PRH1: variants seen among roughly 807,000 people sequenced by gnomAD.
The protein encoded by PRH1 is salivary acidic proline-rich phosphoprotein 1/2.
In PRH1, 7 loss-of-function variants were observed where a neutral mutation model predicts 7.9. The ratio of observed to expected loss-of-function variants is 0.89; its 90% CI spans 0.50 to 1.67. PRH1 has a LOEUF of 1.67. Among genes scored for constraint, PRH1 ranks in the 40% most tolerant of loss-of-function variants. The pLI, the probability that PRH1 is intolerant of heterozygous loss-of-function variation, is 0.00. For synonymous variants in PRH1, 45 were observed against 80.8 expected (o/e 0.56, Z 2.38); for missense variants, 109 against 223.6 (o/e 0.49, Z 3.27).
In PRH1 at chr12:10,938,870, T is replaced by C. The variant is rs201331973; in HGVS notation, c.-59+34785A>G. 5.0e-5 allele frequency: 80 copies of C among 1,613,806 alleles called. 1 individual carries two copies. In the Middle Eastern group the frequency reaches 3.0e-3, roughly 60 times the overall value. On this transcript the variant is annotated intron_variant, in intron 2 of 3. Transcript: ENST00000539853. ...GTAGAGAAAAATAGAGTTAGAAAAATTGGCTATCTTGAGAAAATAAAAAGT... is the reference window on the plus strand; with the variant it reads ...GTAGAGAAAAATAGAGTTAGAAAAACTGGCTATCTTGAGAAAATAAAAAGT...
At chr12:11,121,224 A>G (rs1444361338) in intron 1 of PRH1, 1 of 152,268 alleles carries the variant, frequency 6.6e-6, no homozygotes, top group Non-Finnish European at 1.5e-5. Context: ...ATGCCTGAGG[A>G]TCCTCAGCTC....
At chr12:11,061,277 A>C (rs999387607) in intron 1 of PRH1, 2 of 1,516,388 alleles carry the variant, frequency 1.3e-6, no homozygotes, top group African/African-American at 2.8e-5. Context: ...ATATACATAC[A>C]TTACAGAAAA....
intron 3 of PRH1, among the ~76,000 whole-genome samples, chr12:10,881,723 G>C (rs1421715295): frequency 6.6e-6 from 1 of 152,092 alleles, no homozygotes; most frequent in Non-Finnish European, 1.5e-5. Flanking sequence ...TGTACATTTC[G>C]GTTCAGTGAG....
At chr12:11,119,092 T>C (rs1188518715), downstream of PRH1, among the ~76,000 whole-genome samples, 2 of 152,014 alleles carry the variant, frequency 1.3e-5, no homozygotes, top group Non-Finnish European at 2.9e-5. Context: ...ATCCTGTCAT[T>C]TGCAGCAATA....
intron 1 of PRH1, among the ~76,000 whole-genome samples, chr12:11,060,674 T>C (rs1943557523): frequency 6.6e-6 from 1 of 152,156 alleles, no homozygotes; most frequent in East Asian, 1.9e-4. Context: ...ATTCACATGC[T>C]TGTATTAAAT....
At chr12:10,961,949 C>T (rs1938254824) in intron 2 of PRH1, among the ~76,000 whole-genome samples, 1 of 152,318 alleles carries the variant, frequency 6.6e-6, no homozygotes, top group Non-Finnish European at 1.5e-5. Context: ...GAGTCACATA[C>T]ACACAACACA....
intron 1 of PRH1, among the ~76,000 whole-genome samples, chr12:10,979,570 T>C (rs768146115): frequency 7.2e-5 from 11 of 152,184 alleles, no homozygotes; most frequent in Non-Finnish European, 1.5e-4. Flanking sequence ...TCTGAATGAG[T>C]TGAGAAGCCA....
intron 1 of PRH1, among the ~76,000 whole-genome samples, chr12:11,147,020 G>A (rs1430000079): frequency 6.6e-6 from 1 of 151,922 alleles, no homozygotes; most frequent in Non-Finnish European, 1.5e-5. Context: ...CTTTTTCCAA[G>A]TTTTCTTGCC....
chr12:11,081,201 A>G (rs1944488630), intron 1 of PRH1, among the ~76,000 whole-genome samples: 1 of 140,026 alleles, frequency 7.1e-6, no homozygotes, highest in Non-Finnish European at 1.6e-5. Flanking sequence ...TCTGTGCTTC[A>G]TTCTGTGTAG....
chr12:11,138,354 A>C (rs996852248), intron 1 of PRH1, among the ~76,000 whole-genome samples: 1 of 152,216 alleles, frequency 6.6e-6, no homozygotes, highest in Non-Finnish European at 1.5e-5. Context: ...GATCATGCTA[A>C]ATATGTTTTA....
At chr12:10,951,985 C>T (rs1937694411) in intron 2 of PRH1, among the ~76,000 whole-genome samples, 3 of 152,056 alleles carry the variant, frequency 2.0e-5, no homozygotes, top group South Asian at 2.1e-4. Context: ...AGGTATGATC[C>T]GAGAATCTAT....
chr12:11,148,189 T>C (rs1030413858), intron 1 of PRH1, among the ~76,000 whole-genome samples: 4 of 146,108 alleles, frequency 2.7e-5, no homozygotes, highest in African/African-American at 1.0e-4. Flanking sequence ...GATTTTGGGC[T>C]GAGACAATGG....
chr12:11,134,428 G>T, intron 1 of PRH1: 2 of 686,070 alleles, frequency 2.9e-6, no homozygotes, highest in Non-Finnish European at 4.7e-6. Context: ...TAATGGATAA[G>T]TTCAATGCTC....
At chr12:10,926,815 G>T (rs1467507710) in intron 2 of PRH1, among the ~76,000 whole-genome samples, 3 of 152,194 alleles carry the variant, frequency 2.0e-5, no homozygotes. Flanking sequence ...CAGAGAAAAA[G>T]TTGGGATGTG....
intron 1 of PRH1, among the ~76,000 whole-genome samples, chr12:11,054,113 C>T (rs1208833282): frequency 1.3e-5 from 2 of 152,188 alleles, no homozygotes; most frequent in African/African-American, 2.4e-5. Context: ...AGCCATGGTG[C>T]CTGGCTCGAT....
At chr12:10,963,283 A>G (rs868512869) in intron 2 of PRH1, among the ~76,000 whole-genome samples, 5 of 152,146 alleles carry the variant, frequency 3.3e-5, no homozygotes. Context: ...ATGTCAACAC[A>G]CTTTCTCTCA....
chr12:11,074,877 G>C (rs1944232184), intron 1 of PRH1, among the ~76,000 whole-genome samples: 1 of 148,406 alleles, frequency 6.7e-6, no homozygotes, highest in Non-Finnish European at 1.5e-5. Flanking sequence ...GTTTCCCCTT[G>C]TAACCCTTCT....
chr12:11,161,697 AT>A (rs1947419789), intron 1 of PRH1, among the ~76,000 whole-genome samples: 1 of 152,224 alleles, frequency 6.6e-6, no homozygotes, highest in African/African-American at 2.4e-5. Context: ...GGTTTGGGGT[AT>A]CAAACAGCAA....
At chr12:10,938,489 T>A in intron 2 of PRH1, 1 of 1,614,060 alleles carries the variant, frequency 6.2e-7, no homozygotes, top group Non-Finnish European at 8.5e-7. Context: ...GAAAATGGCA[T>A]AGAGTAGGAA....
Sources: allele counts gnomAD v4.1 joint callset (sites outside exome capture counted in the v4.1 genomes callset), GRCh38; gene constraint gnomAD v4.1.1; transcripts MANE v1.5; gene names NCBI Gene and HGNC (gene_info 2026-07-23, HGNC 2026-07-21).